PRDX6: variants seen among roughly 807,000 people sequenced by gnomAD.
The protein encoded by PRDX6 is peroxiredoxin-6.
In PRDX6, 13 loss-of-function variants were observed where a neutral mutation model predicts 20.0. That is an observed-to-expected ratio of 0.65 (90% CI 0.42 to 1.03). PRDX6 has a LOEUF of 1.03. Ranked by LOEUF, PRDX6 falls within the 50% of genes least tolerant of loss-of-function variation. The probability of loss-of-function intolerance (pLI) is 0.00; values close to 1 mark genes in which losing one functional copy is unlikely to be tolerated. For missense variants in PRDX6, 203 were observed against 276.9 expected, an observed-to-expected ratio of 0.73 and a Z score of 1.89; for synonymous variants, 85 against 100.8, an observed-to-expected ratio of 0.84 and a Z score of 0.94.
Position 173,487,770 on chromosome 1 carries a change from T to C in PRDX6, c.582T>C (p.Pro194=). The C allele has an allele frequency of 6.2e-7, 1 of 1,614,170 alleles. No homozygotes were observed. The highest frequency in any genetic ancestry group is 8.5e-7 in the Non-Finnish European group (1 of 1,180,000). The change falls in exon 5 of 5, where the codon CCT becomes CCC. Residue 194 remains proline, a synonymous_variant. Coordinates refer to ENST00000340385, the MANE Select transcript of PRDX6 (RefSeq NM_004905.3). ...GTGTGATGGTCCTTCCAACCATCCC[T>C]GAAGAAGAAGCCAAAAAACTTTTCC... ...GDSVMVLPTI[P]EEEAKKLFPK... is the part of the protein sequence containing the mutation.
chr1:173,486,470 A>G (rs989496462), intron 4 of PRDX6, 69 bp downstream of exon 4: 2 of 1,501,116 alleles, frequency 1.3e-6, no homozygotes, highest in African/African-American at 2.8e-5. Context: ...GCCAACTTCA[A>G]GGTCTGTGTT....
rs747370603 is a variant in PRDX6 at position 173,477,359 on chromosome 1, T to G, written c.-39T>G. The G allele has an allele frequency of 6.5e-7, 1 of 1,531,708 alleles. No individual in the cohort carries two copies. Among genetic ancestry groups the G allele is most frequent in the Non-Finnish European group, 9.0e-7 (1 of 1,116,186 alleles). The allele number at this position is 1,531,708 out of a possible 1,614,324, so 94.9% of individuals were successfully genotyped here. On this transcript the variant is annotated 5_prime_UTR_variant, in exon 1 of 5. Transcript: ENST00000340385. Reference sequence around the variant, plus strand: ...TGCTTCTTCGCCAGAACCAACCGGTTGCTTGCTGTCCCAGCGGCGCCCCCT... The same window carrying G: ...TGCTTCTTCGCCAGAACCAACCGGTGGCTTGCTGTCCCAGCGGCGCCCCCT...
Position 173,481,340 on chromosome 1 carries a change from T to C in PRDX6, c.110T>C (p.Phe37Ser). The C allele has an allele frequency of 6.2e-7, 1 of 1,613,522 alleles. No homozygotes were observed. The highest frequency in any genetic ancestry group is 8.5e-7 in the Non-Finnish European group (1 of 1,179,532). ...DFLGDSWGILFSHPRDFTPVC... is the reference protein window; with the variant it reads ...DFLGDSWGILSSHPRDFTPVC... ...CTTCCTTTCAGATGGGGCATTCTCT[T>C]CTCCCACCCTCGGGACTTTACCCCA... The change falls in exon 2 of 5, where the codon TTC (phenylalanine) becomes TCC (serine). Residue 37 changes from phenylalanine to serine, a missense_variant. Phe to Ser is a radical substitution (Grantham distance 155). Transcript: ENST00000340385.
intron 4 of PRDX6, among the ~76,000 whole-genome samples, chr1:173,487,387 G>A (rs759869370): frequency 2.0e-5 from 3 of 152,200 alleles, no homozygotes; most frequent in Non-Finnish European, 4.4e-5. Flanking sequence ...AAGCTAGCAT[G>A]CTTGGAGAAG....
At chr1:173,482,306 T>C (rs1025095175) in intron 2 of PRDX6, among the ~76,000 whole-genome samples, 1 of 152,194 alleles carries the variant, frequency 6.6e-6, no homozygotes, top group Non-Finnish European at 1.5e-5. Flanking sequence ...TTATCTAAAA[T>C]TATAACTCCT....
chr1:173,487,747 G>A lies in PRDX6; in HGVS notation c.559G>A (p.Val187Met), dbSNP rs763928988. 3.7e-6 allele frequency: 6 copies of A among 1,614,136 alleles called. No individual in the cohort carries two copies. The highest frequency in any genetic ancestry group is 5.1e-6 in the Non-Finnish European group (6 of 1,179,994). ...TGTCTTTCAATAGGATGGGGATAGT[G>A]TGATGGTCCTTCCAACCATCCCTGA... ...TPVDWKDGDSVMVLPTIPEEE... is the reference protein window; with the variant it reads ...TPVDWKDGDSMMVLPTIPEEE... The change falls in exon 5 of 5, where the codon GTG (valine) becomes ATG (methionine). Residue 187 changes from valine to methionine, a missense_variant. Coordinates refer to ENST00000340385, the MANE Select transcript of PRDX6 (RefSeq NM_004905.3).
In PRDX6 at chr1:173,487,729, C is replaced by G; in HGVS notation, c.547-6C>G. The G allele has an allele frequency of 6.2e-7, 1 of 1,613,752 alleles. No individual in the cohort carries two copies. The highest frequency in any genetic ancestry group is 1.1e-5 in the South Asian group (1 of 90,980). ...GAATTTCACCATTCTCAATGTCTTT[C>G]AATAGGATGGGGATAGTGTGATGGT... On this transcript the variant is annotated splice_region_variant and splice_polypyrimidine_tract_variant and intron_variant, in intron 4 of 4. Transcript: ENST00000340385.
chr1:173,488,753 A>G lies in PRDX6; in HGVS notation c.*890A>G, dbSNP rs1185355152. The G allele has an allele frequency of 1.3e-5, 2 of 152,142 alleles. No homozygotes were observed. The highest frequency in any genetic ancestry group is 2.9e-5 in the Non-Finnish European group (2 of 68,024). The allele number at this position is 152,142 out of a possible 1,614,324, so 9.4% of individuals were successfully genotyped here. On this transcript the variant is annotated 3_prime_UTR_variant, in exon 5 of 5. Transcript: ENST00000340385. ...AGAACTCTTCTTGCAGTGGGTTGCTATTTTCTAGATTTTACTTTTTAGGGA... is the reference window on the plus strand; with the variant it reads ...AGAACTCTTCTTGCAGTGGGTTGCTGTTTTCTAGATTTTACTTTTTAGGGA...
chr1:173,477,404 G>A lies in PRDX6; in HGVS notation c.7G>A (p.Gly3Arg). 6.2e-7 allele frequency: 1 copy of A among 1,606,550 alleles called. No individual in the cohort carries two copies. The highest frequency in any genetic ancestry group is 1.1e-5 in the South Asian group (1 of 90,226). The part of the protein sequence containing the change: MP[G>R]GLLLGDVAPN... ...CCCCCTCATCACCGTCGCCATGCCC[G>A]GAGGTCTGCTTCTCGGGGACGTGGC... Residue 3 changes from glycine (G) to arginine (R), a missense_variant, in exon 1 of 5, where the codon GGA (glycine) becomes AGA (arginine). Coordinates refer to ENST00000340385, the MANE Select transcript of PRDX6 (RefSeq NM_004905.3).
chr1:173,479,323 G>T (rs543878082), intron 1 of PRDX6, among the ~76,000 whole-genome samples: 1 of 152,128 alleles, frequency 6.6e-6, no homozygotes, highest in South Asian at 2.1e-4. Context: ...CTACCTTACC[G>T]GGAAGAGAAG....
At chr1:173,484,177 T>C (rs150751487) in intron 2 of PRDX6, among the ~76,000 whole-genome samples, 23,281 of 103,714 alleles carry the variant, frequency 0.22, 4,524 homozygotes, top group African/African-American at 0.51. Flanking sequence ...TTTATATATA[T>C]ACACACACAC....
In PRDX6 at chr1:173,477,493, G is replaced by A; in HGVS notation, c.95+1G>A. On this transcript the variant is annotated splice_donor_variant, in intron 1 of 4. Transcript: ENST00000340385. LOFTEE classifies it high-confidence loss of function. ...GTTTCCACGACTTTCTGGGAGACTC[G>A]TAAGTGGCCACCGCGTAGCCCTGTC... is the stretch of plus-strand genomic sequence containing the variant. The A allele has an allele frequency of 6.3e-7, 1 of 1,599,518 alleles. No individual in the cohort carries two copies. Among genetic ancestry groups the A allele is most frequent in the Non-Finnish European group, 8.5e-7 (1 of 1,173,280 alleles).
Position 173,488,036 on chromosome 1 carries a change from C to T in PRDX6, c.*173C>T. On this transcript the variant is annotated 3_prime_UTR_variant, in exon 5 of 5. Coordinates refer to ENST00000340385, the MANE Select transcript of PRDX6 (RefSeq NM_004905.3). The stretch of plus-strand genomic sequence containing the variant: ...TAAAAGTTTCTTGAGATTCTTTATA[C>T]TCTCTGCCTTCAGCAATCAATTCCA... 1.5e-6 allele frequency: 1 copy of T among 681,694 alleles called. No individual in the cohort carries two copies. Among genetic ancestry groups the T allele is most frequent in the Non-Finnish European group, 2.4e-6 (1 of 417,060 alleles). The allele number at this position is 681,694 out of a possible 1,614,324, so 42.2% of individuals were successfully genotyped here. A position where few individuals can be genotyped will look rare whatever the true frequency, so the allele number is the denominator to read the frequency against.
At chr1:173,479,897 G>A (rs7540065) in intron 1 of PRDX6, among the ~76,000 whole-genome samples, 55,091 of 152,044 alleles carry the variant, frequency 0.36, 12,513 homozygotes, top group African/African-American at 0.63. Flanking sequence ...TGGACTCACA[G>A]TGGAAAAAGA....
rs76689955 is a variant in PRDX6 at position 173,486,547 on chromosome 1, A to G, written c.546+146A>G. 2.6e-3 allele frequency: 2,148 copies of G among 815,732 alleles called. 26 individuals are homozygous for G. In the African/African-American group the frequency reaches 0.031, roughly 12 times the overall value. The allele number at this position is 815,732 out of a possible 1,614,324, so 50.5% of individuals were successfully genotyped here. Reference sequence around the variant, plus strand: ...CATGGCTGAGTTCAAGATTTGCTGAAAGGCCCTTTTCAAGGTCTTTATAAC... The same window carrying G: ...CATGGCTGAGTTCAAGATTTGCTGAGAGGCCCTTTTCAAGGTCTTTATAAC... On this transcript the variant is annotated intron_variant, in intron 4 of 4. Coordinates refer to ENST00000340385, the MANE Select transcript of PRDX6 (RefSeq NM_004905.3).
intron 1 of PRDX6, among the ~76,000 whole-genome samples, chr1:173,478,587 A>G (rs1409918818): frequency 6.6e-6 from 1 of 151,926 alleles, no homozygotes; most frequent in African/African-American, 2.4e-5. Context: ...CATTCCAGGC[A>G]TGTCTAGTTA....
intron 1 of PRDX6, among the ~76,000 whole-genome samples, chr1:173,478,503 A>G (rs182474722): frequency 1.5e-4 from 23 of 151,540 alleles, no homozygotes; most frequent in Non-Finnish European, 2.9e-5. Context: ...GGAGTAGTAA[A>G]TCGGTGTTGC....
rs1048666229 is a variant in PRDX6, at chr1:173,488,290, C to T, written c.*427C>T. 6.4e-6 allele frequency: 1 copy of T among 155,552 alleles called. No individual in the cohort carries two copies. Among genetic ancestry groups the T allele is most frequent in the Non-Finnish European group, 1.4e-5 (1 of 70,330 alleles). 9.6% of individuals were successfully genotyped at this position (155,552 alleles called of 1,614,324 possible). A position where few individuals can be genotyped will look rare whatever the true frequency, so the allele number is the denominator to read the frequency against. ...GTGGCAGAACTTGAAGTTCAACTTC[C>T]TCTGTAAATATCCAAGTATAAAGCC... On this transcript the variant is annotated 3_prime_UTR_variant, in exon 5 of 5. Coordinates refer to ENST00000340385, the MANE Select transcript of PRDX6 (RefSeq NM_004905.3).
rs185836646 is a variant in PRDX6, at chr1:173,488,194, C to T, written c.*331C>T. 4.4e-5 allele frequency: 9 copies of T among 205,448 alleles called. No individual in the cohort carries two copies. In the East Asian group the frequency reaches 1.1e-3, roughly 24 times the overall value. 12.7% of individuals were successfully genotyped at this position (205,448 alleles called of 1,614,324 possible). ...GATGGTTGACAAAGCTTGCTTCACT[C>T]CATCAGAGAATGACTATCAATTTTT... On this transcript the variant is annotated 3_prime_UTR_variant, in exon 5 of 5. Transcript: ENST00000340385.
Sources: gnomAD v4.1 joint callset for allele counts (sites outside exome capture counted in the v4.1 genomes callset) on GRCh38, gnomAD v4.1.1 for gene constraint, MANE v1.5 for transcripts, NCBI Gene and HGNC (gene_info 2026-07-23, HGNC 2026-07-21) for gene names.